AGMO: variants seen among roughly 807,000 people sequenced by gnomAD.
The protein encoded by AGMO is glyceryl-ether monooxygenase.
AGMO carries 75 observed loss-of-function variants against 60.2 expected under a neutral mutation model. That is an observed-to-expected ratio of 1.25 (90% CI 1.03 to 1.51). The LOEUF is 1.51. Among genes scored for constraint, AGMO ranks in the 40% most tolerant of loss-of-function variants. The pLI, the probability that AGMO is intolerant of heterozygous loss-of-function variation, is 0.00. For synonymous variants in AGMO, 261 were observed against 177.1 expected (o/e 1.47, Z -3.76); for missense variants, 763 against 525.5 (o/e 1.45, Z -4.42).
chr7:15,336,242 C>T (rs1204181018), intron 12 of AGMO, among the ~76,000 whole-genome samples: 1 of 151,804 alleles, frequency 6.6e-6, no homozygotes, highest in South Asian at 2.1e-4. Context: ...TCATAACATT[C>T]ACCAAAAAAA....
intron 12 of AGMO, among the ~76,000 whole-genome samples, chr7:15,269,790 T>C (rs1216307238): frequency 6.6e-6 from 1 of 151,972 alleles, no homozygotes; most frequent in South Asian, 2.1e-4. Context: ...GTCCTCAGTA[T>C]CTATTATTTC....
chr7:15,415,203 C>A lies in AGMO; in HGVS notation c.609+3355G>T, dbSNP rs140961540. Among the ~76,000 whole-genome samples, 862 of 151,914 alleles carry A rather than the reference C, an allele frequency of 5.7e-3. 10 individuals are homozygous for A. The highest frequency in any genetic ancestry group is 0.02 in the African/African-American group (815 of 41,452). Reference sequence around the variant, plus strand: ...GTTCTGCCTCCCTGGTTCATGCCATCCTCCTGCCTCAGCCTCACGAGTAGC... The same window carrying A: ...GTTCTGCCTCCCTGGTTCATGCCATACTCCTGCCTCAGCCTCACGAGTAGC... On this transcript the variant is annotated intron_variant, in intron 5 of 12. Transcript: ENST00000342526.
intron 10 of AGMO, among the ~76,000 whole-genome samples, chr7:15,384,758 T>G (rs4484577): frequency 0.76 from 113,954 of 150,168 alleles, 43,866 homozygotes; most frequent in Middle Eastern, 0.82. Flanking sequence ...ACCTTTTTGA[T>G]CTACTGTAAA....
At chr7:15,469,306 T>C (rs1365688293) in intron 3 of AGMO, among the ~76,000 whole-genome samples, 2 of 152,182 alleles carry the variant, frequency 1.3e-5, no homozygotes, top group Non-Finnish European at 2.9e-5. Context: ...ATTGTTTTAA[T>C]GTATTACAGC....
intron 12 of AGMO, among the ~76,000 whole-genome samples, chr7:15,315,304 A>C (rs1478527549): frequency 1.3e-5 from 2 of 150,378 alleles, no homozygotes; most frequent in African/African-American, 4.9e-5. Context: ...ATTAAGATAT[A>C]AGCAAAACTT....
intron 12 of AGMO, among the ~76,000 whole-genome samples, chr7:15,263,802 G>A (rs1394731162): frequency 1.3e-5 from 2 of 152,262 alleles, no homozygotes; most frequent in Middle Eastern, 3.4e-3. Flanking sequence ...TCTCAGTGAA[G>A]TAACTCAGGA....
At chr7:15,290,996 C>CATTCTT (rs1784248612) in intron 12 of AGMO, among the ~76,000 whole-genome samples, 4 of 151,764 alleles carry the variant, frequency 2.6e-5, no homozygotes, top group South Asian at 4.2e-4. Context: ...TCCGTTTTTT[C>CATTCTT]GAAAGTGCAT....
chr7:15,294,043 A>G (rs1784348691), intron 12 of AGMO, among the ~76,000 whole-genome samples: 1 of 152,134 alleles, frequency 6.6e-6, no homozygotes, highest in South Asian at 2.1e-4. Context: ...TTTAGCTCAA[A>G]GTATTTACAT....
chr7:15,311,322 C>T, intron 12 of AGMO, among the ~76,000 whole-genome samples: 1 of 152,054 alleles, frequency 6.6e-6, no homozygotes, highest in East Asian at 1.9e-4. Flanking sequence ...ACATTTTTGA[C>T]ATTTTCACTT....
chr7:15,521,750 G>C (rs1359518965), intron 3 of AGMO, among the ~76,000 whole-genome samples: 1 of 152,098 alleles, frequency 6.6e-6, no homozygotes, highest in South Asian at 2.1e-4. Context: ...CATACTGAAT[G>C]GGCAAAAGAT....
intron 12 of AGMO, among the ~76,000 whole-genome samples, chr7:15,226,596 G>A (rs1782089104): frequency 6.6e-6 from 1 of 151,992 alleles, no homozygotes; most frequent in Non-Finnish European, 1.5e-5. Flanking sequence ...GTACTGTTTA[G>A]GCAGATATGG....
intron 12 of AGMO, among the ~76,000 whole-genome samples, chr7:15,254,328 G>A (rs149933813): frequency 2.0e-5 from 3 of 151,962 alleles, no homozygotes; most frequent in African/African-American, 7.3e-5. Flanking sequence ...TTTCATAATG[G>A]CTGTGCTAAC....
intron 12 of AGMO, among the ~76,000 whole-genome samples, chr7:15,292,019 TA>T (rs1403111780): frequency 6.6e-6 from 1 of 152,128 alleles, no homozygotes; most frequent in African/African-American, 2.4e-5. Flanking sequence ...AGAAATGCAT[TA>T]AAAATTTCTA....
chr7:15,298,233 G>A (rs996142387), intron 12 of AGMO, among the ~76,000 whole-genome samples: 1 of 152,118 alleles, frequency 6.6e-6, no homozygotes, highest in African/African-American at 2.4e-5. Flanking sequence ...AATGCAGTAA[G>A]AATATTTAAT....
intron 3 of AGMO, among the ~76,000 whole-genome samples, chr7:15,436,334 T>C (rs1211154907): frequency 6.6e-6 from 1 of 152,210 alleles, no homozygotes; most frequent in Non-Finnish European, 1.5e-5. Context: ...GTTGTTTCTG[T>C]GCTTCGAAGA....
intron 3 of AGMO, among the ~76,000 whole-genome samples, chr7:15,539,373 C>A (rs1323032375): frequency 1.3e-5 from 2 of 152,156 alleles, no homozygotes; most frequent in Non-Finnish European, 2.9e-5. Flanking sequence ...ATAGCTCCCA[C>A]TTAAAAGTGA....
chr7:15,387,098 A>T (rs1393545938), intron 9 of AGMO, among the ~76,000 whole-genome samples: 1 of 152,266 alleles, frequency 6.6e-6, no homozygotes, highest in East Asian at 1.9e-4. Context: ...TCTGAGCTGC[A>T]TGTATTTGTG....
intron 10 of AGMO, 134 bp downstream of exon 10, chr7:15,385,312 A>G (rs1783867186): frequency 1.7e-6 from 1 of 587,200 alleles, no homozygotes; most frequent in South Asian, 2.3e-5. Flanking sequence ...ACCTATTTAA[A>G]TGTGAGACGT....
chr7:15,227,021 A>T (rs988336800), intron 12 of AGMO, among the ~76,000 whole-genome samples: 2 of 152,048 alleles, frequency 1.3e-5, no homozygotes, highest in African/African-American at 4.8e-5. Context: ...TACTTGAAAA[A>T]TCCAGACAAA....
Sources: gnomAD v4.1 joint callset for allele counts (sites outside exome capture counted in the v4.1 genomes callset) on GRCh38, gnomAD v4.1.1 for gene constraint, MANE v1.5 for transcripts, NCBI Gene and HGNC (gene_info 2026-07-23, HGNC 2026-07-21) for gene names.